The following DNAI2 variants were observed in gnomAD, a reference collection of about 807,000 sequenced individuals.
DNAI2 encodes the protein dynein axonemal intermediate chain 2.
In DNAI2, 63 loss-of-function variants were observed where a neutral mutation model predicts 74.7. The observed-to-expected ratio is 0.84, with a 90% CI of 0.69 to 1.04. The LOEUF (loss-of-function observed/expected upper bound fraction) is 1.04. Among genes scored for constraint, DNAI2 ranks in the 50% least tolerant of loss-of-function variants. DNAI2 has a pLI of 0.00. For missense variants in DNAI2, 688 were observed against 803.2 expected (o/e 0.86, Z 1.73); for synonymous variants, 289 against 314.9 (o/e 0.92, Z 0.87).
chr17:74,305,449 G>A lies in DNAI2; in HGVS notation c.1211+7G>A, dbSNP rs2053133531. On this transcript the variant is annotated splice_region_variant and intron_variant, in intron 9 of 13. Coordinates refer to ENST00000311014, the MANE Select transcript of DNAI2 (RefSeq NM_023036.6). ...CGTCCATCATGTGGACCAAGTAAGA[G>A]GCGATGCTGGGGACAGGAGGGGATG... The A allele has an allele frequency of 2.5e-6, 4 of 1,613,446 alleles. No homozygotes were observed. Among genetic ancestry groups the A allele is most frequent in the Non-Finnish European group, 2.5e-6 (3 of 1,179,634 alleles).
At chr17:74,304,186 C>CTTTTTTTTTTTTTTTTTTTTTTTTTTT (rs56696514) in intron 8 of DNAI2, among the ~76,000 whole-genome samples, 16 of 67,632 alleles carry the variant, frequency 2.4e-4, no homozygotes, top group East Asian at 9.0e-4. Context: ...TTTCTTTTTT[C>CTTTTTTTTTTTTTTTTTTTTTTTTTTT]TTTTTTTTTT....
intron 2 of DNAI2, 121 bp from the exon 3 acceptor site, chr17:74,284,919 T>C: frequency 7.7e-7 from 1 of 1,294,356 alleles, no homozygotes; most frequent in Non-Finnish European, 1.1e-6. Context: ...ATACTGTGGC[T>C]CCGGCCAGGG....
intron 1 of DNAI2, among the ~76,000 whole-genome samples, chr17:74,280,814 C>T (rs555168095): frequency 5.9e-5 from 9 of 152,028 alleles, no homozygotes; most frequent in Admixed American, 1.3e-4. Context: ...GTACCACGTG[C>T]GATGGCTCAT....
chr17:74,287,475 G>T (rs1176138530), intron 4 of DNAI2, among the ~76,000 whole-genome samples: 2 of 152,198 alleles, frequency 1.3e-5, no homozygotes, highest in Admixed American at 6.5e-5. Flanking sequence ...GAGGATAGAA[G>T]TTTGACACCA....
At chr17:74,309,900 G>A (rs1262345640) in intron 10 of DNAI2, 117 bp from the exon 11 acceptor site, 7 of 1,372,326 alleles carry the variant, frequency 5.1e-6, no homozygotes, top group East Asian at 4.6e-5. Context: ...GGGCAGAGGC[G>A]TCCTGAGGAT....
chr17:74,314,334 G>T (rs1250527283), intron 13 of DNAI2, 63 bp downstream of exon 13: 1 of 1,591,528 alleles, frequency 6.3e-7, no homozygotes, highest in East Asian at 2.3e-5. Context: ...TGGGTGGTGG[G>T]CTGGGAGCAT....
rs772185024 is a variant in DNAI2 at position 74,281,828 on chromosome 17, T to C, written c.11T>C (p.Val4Ala). ...CCAGCAGCCGGCACCATGGAGATTG[T>C]GTACGTGTACGTCAAGAAGCGCAGC... MEI[V>A]YVYVKKRSEF... Residue 4 changes from valine (V) to alanine (A), a missense_variant, in exon 2 of 14, where the codon GTG (valine) becomes GCG (alanine). Physicochemically the swap from Val to Ala is moderately conservative, Grantham distance 64. Coordinates refer to ENST00000311014, the MANE Select transcript of DNAI2 (RefSeq NM_023036.6). The C allele has an allele frequency of 9.3e-6, 15 of 1,614,006 alleles. No homozygotes were observed. The highest frequency in any genetic ancestry group is 8.3e-5 in the Admixed American group (5 of 60,010).
rs774770773 is a variant in DNAI2, at chr17:74,310,122, C to T, written c.1453C>T (p.Leu485Phe). 3 of 1,613,806 alleles carry T rather than the reference C, an allele frequency of 1.9e-6. No homozygotes were observed. Among genetic ancestry groups the T allele is most frequent in the Non-Finnish European group, 2.5e-6 (3 of 1,180,022 alleles). The change falls in exon 11 of 14, where the codon CTC becomes TTC. Residue 485 changes from leucine (L) to phenylalanine (F), a missense_variant. Leu to Phe is a conservative substitution (Grantham distance 22, BLOSUM62 0). Transcript: ENST00000311014. ...TTTLLEVSPGLSTLQRNEKNV... is the reference protein window; with the variant it reads ...TTTLLEVSPGFSTLQRNEKNV... ...CACCCTGCTGGAGGTCTCGCCTGGGCTCTCTACCCTCCAGAGGAATGAGAA... is the reference window on the plus strand; with the variant it reads ...CACCCTGCTGGAGGTCTCGCCTGGGTTCTCTACCCTCCAGAGGAATGAGAA...
At chr17:74,289,762 C>G in intron 5 of DNAI2, 26 bp downstream of exon 5, 1 of 1,613,366 alleles carries the variant, frequency 6.2e-7, no homozygotes, top group Non-Finnish European at 8.5e-7. Flanking sequence ...GTCCTGGTGG[C>G]CTGGGAGGGC....
intron 2 of DNAI2, 65 bp downstream of exon 2, chr17:74,282,065 C>G: frequency 6.3e-7 from 1 of 1,589,564 alleles, no homozygotes; most frequent in South Asian, 1.1e-5. Context: ...CAGCTGGGGC[C>G]GGTGAGTGGT....
intron 8 of DNAI2, among the ~76,000 whole-genome samples, chr17:74,304,892 C>T (rs1318474002): frequency 6.6e-6 from 1 of 152,226 alleles, no homozygotes; most frequent in Non-Finnish European, 1.5e-5. Flanking sequence ...TGTAAACAAA[C>T]ATTCAGGATC....
chr17:74,285,811 G>C (rs1438476825), intron 3 of DNAI2, among the ~76,000 whole-genome samples: 2 of 152,050 alleles, frequency 1.3e-5, no homozygotes, highest in African/African-American at 4.8e-5. Context: ...CCTGCTGAAG[G>C]GAACAGGGAA....
intron 9 of DNAI2, chr17:74,307,126 C>T (rs1182718033): frequency 2.4e-6 from 1 of 416,250 alleles, no homozygotes; most frequent in Non-Finnish European, 4.8e-6. Flanking sequence ...TGCATTGTTC[C>T]AGGCCTCATA....
rs138196027 is a variant in DNAI2 at position 74,301,082 on chromosome 17, A to G, written c.901A>G (p.Thr301Ala). The change falls in exon 8 of 14, where the codon ACT becomes GCT. Residue 301 changes from threonine to alanine, a missense_variant. Thr to Ala is a moderately conservative substitution (Grantham distance 58). Coordinates refer to ENST00000311014, the MANE Select transcript of DNAI2 (RefSeq NM_023036.6). ...GGACATCCGAAAGATGAGCGAGCCC[A>G]CTGAAGTTGTGATCTTGGACATCAC... The part of the protein sequence containing the change: ...WWDIRKMSEP[T>A]EVVILDITKK... 26 of 1,614,102 alleles carry G rather than the reference A, an allele frequency of 1.6e-5. No individual in the cohort carries two copies. The African/African-American group carries it at 3.2e-4, about 20-fold the overall frequency.
rs371989598 is a variant in DNAI2 at position 74,310,070 on chromosome 17, C to G, written c.1401C>G (p.Ile467Met). 6.8e-6 allele frequency: 11 copies of G among 1,613,816 alleles called. No homozygotes were observed. The highest frequency in any genetic ancestry group is 8.5e-6 in the Non-Finnish European group (10 of 1,180,048). Residue 467 changes from isoleucine to methionine, a missense_variant, in exon 11 of 14, where the codon ATC becomes ATG. Coordinates refer to ENST00000311014, the MANE Select transcript of DNAI2 (RefSeq NM_023036.6). ...GGGTGCAGGACAATGGGTGTCTCATCGCCTGCGGCTCCCAGCTGGGGACAA... is the reference window on the plus strand; with the variant it reads ...GGGTGCAGGACAATGGGTGTCTCATGGCCTGCGGCTCCCAGCTGGGGACAA... ...CLRVQDNGCLIACGSQLGTTT... is the reference protein window; with the variant it reads ...CLRVQDNGCLMACGSQLGTTT...
intron 3 of DNAI2, among the ~76,000 whole-genome samples, chr17:74,285,958 C>CACATAT (rs1555608177): frequency 2.8e-4 from 31 of 111,848 alleles, no homozygotes; most frequent in Admixed American, 5.8e-4. Flanking sequence ...CACACACACA[C>CACATAT]ATATATATAT....
At chr17:74,295,563 G>A (rs73358689) in intron 6 of DNAI2, among the ~76,000 whole-genome samples, 1,560 of 152,102 alleles carry the variant, frequency 0.01, 25 homozygotes, top group African/African-American at 0.035. Flanking sequence ...CCAATATCTG[G>A]GCTTCTTGGG....
intron 9 of DNAI2, among the ~76,000 whole-genome samples, chr17:74,307,010 A>C (rs2053228133): frequency 6.6e-6 from 1 of 152,226 alleles, no homozygotes; most frequent in Non-Finnish European, 1.5e-5. Context: ...GGGTTTGCTA[A>C]GGAGCAACCC....
Position 74,310,097 on chromosome 17 carries a change from C to CA in DNAI2, c.1429dup (p.Thr477AsnfsTer16), listed in dbSNP as rs1567876609. ...CCTGCGGCTCCCAGCTGGGGACAAC[C>CA]ACCCTGCTGGAGGTCTCGCCTGGGC... is the stretch of plus-strand genomic sequence containing the variant. On this transcript the variant is annotated frameshift_variant, in exon 11 of 14. Coordinates refer to ENST00000311014, the MANE Select transcript of DNAI2 (RefSeq NM_023036.6). LOFTEE classifies it high-confidence loss of function. 2.5e-6 allele frequency: 4 copies of CA among 1,613,900 alleles called. No individual in the cohort carries two copies. The highest frequency in any genetic ancestry group is 3.4e-6 in the Non-Finnish European group (4 of 1,180,032).
Sources: gnomAD v4.1 joint callset for allele counts (sites outside exome capture counted in the v4.1 genomes callset) on GRCh38, gnomAD v4.1.1 for gene constraint, MANE v1.5 for transcripts, NCBI Gene and HGNC (gene_info 2026-07-23, HGNC 2026-07-21) for gene names.